The following CHD1L variants were observed in gnomAD, a reference collection of about 807,000 sequenced individuals.
CHD1L encodes chromodomain helicase DNA binding protein 1 like, also known as ATP-dependent chromatin remodeler CHD1L.
A neutral mutation model predicts 115.9 loss-of-function variants in CHD1L; 118 were observed. The ratio of observed to expected loss-of-function variants is 1.02; its 90% CI spans 0.88 to 1.19. CHD1L has a LOEUF of 1.19. Ranked by LOEUF, CHD1L falls within the 50% of genes most tolerant of loss-of-function variation. CHD1L has a pLI of 0.00. For synonymous variants in CHD1L, 411 were observed against 387.1 expected, an observed-to-expected ratio of 1.06 and a Z score of -0.72; for missense variants, 1,179 against 1,065.3, an observed-to-expected ratio of 1.11 and a Z score of -1.49.
chr1:147,251,622 G>A (rs960109515), intron 1 of CHD1L, among the ~76,000 whole-genome samples: 5 of 151,930 alleles, frequency 3.3e-5, no homozygotes, highest in African/African-American at 7.3e-5. Flanking sequence ...TCCGCCTCCC[G>A]GGTTCAAGCA....
the CHD1L span, chr1:147,208,936 C>T: frequency 6.2e-7 from 1 of 1,614,080 alleles, no homozygotes; most frequent in South Asian, 1.1e-5. Flanking sequence ...TAATGATTGG[C>T]CACAGATCTT....
At position 147,295,459 on chromosome 1, in the gene CHD1L, G is replaced by A. The variant is rs1241349424; in HGVS notation, c.2644G>A (p.Val882Ile). ...IYYFPRSKSA[V>I]LHSQSSSSSS... ...TTATTTTCCTAGAAGCAAGTCTGCT[G>A]TCCTTCATTCACAGTCTTCATCTTC... The change falls in exon 23 of 23, where the codon GTC (valine) becomes ATC (isoleucine). Residue 882 changes from valine to isoleucine, a missense_variant. Transcript: ENST00000369258. The A allele has an allele frequency of 1.9e-6, 3 of 1,611,404 alleles. No homozygotes were observed. The highest frequency in any genetic ancestry group is 2.5e-6 in the Non-Finnish European group (3 of 1,178,454).
the CHD1L span, chr1:147,175,858 G>T: frequency 1.3e-5 from 2 of 150,500 alleles, no homozygotes; most frequent in Admixed American, 6.7e-5. Flanking sequence ...AATGCATTAT[G>T]GGAAGTAAAA....
chr1:147,280,260 A>G (rs1680321369), intron 15 of CHD1L, 69 bp downstream of exon 15: 1 of 1,466,366 alleles, frequency 6.8e-7, no homozygotes. Context: ...CCCCATGGAA[A>G]GTTTTGGATG....
chr1:147,293,599 T>C lies in CHD1L; in HGVS notation c.2392-9T>C, dbSNP rs781851150. The C allele has an allele frequency of 6.2e-7, 1 of 1,612,856 alleles. No individual in the cohort carries two copies. Among genetic ancestry groups the C allele is most frequent in the East Asian group, 2.2e-5 (1 of 44,882 alleles). On this transcript the variant is annotated splice_polypyrimidine_tract_variant and intron_variant, in intron 20 of 22. Coordinates refer to ENST00000369258, the MANE Select transcript of CHD1L (RefSeq NM_004284.6). ...GTTGGGTTGGTCATCTAATGGTGGT[T>C]CTTTCCAGTTGGCCTTGATTGTGGC...
chr1:147,218,206 GAATGGTTTAGTA>G, the CHD1L span, among the ~76,000 whole-genome samples: 3 of 151,460 alleles, frequency 2.0e-5, no homozygotes, highest in Non-Finnish European at 4.4e-5. Flanking sequence ...CAAAATAGAT[GAATGGTTTAGTA>G]AATTATAGTA....
chr1:147,293,135 C>T (rs1372415594), intron 20 of CHD1L, among the ~76,000 whole-genome samples: 4 of 151,142 alleles, frequency 2.6e-5, no homozygotes, highest in African/African-American at 7.3e-5. Flanking sequence ...CTCCAGCTCG[C>T]CCACTTAGGT....
intron 1 of CHD1L, among the ~76,000 whole-genome samples, chr1:147,250,517 C>T (rs1263615708): frequency 1.3e-5 from 2 of 152,102 alleles, no homozygotes; most frequent in Non-Finnish European, 2.9e-5. Flanking sequence ...TTGTGGCTCC[C>T]TCCTGAGTCT....
intron 2 of CHD1L, 33 bp from the exon 3 acceptor site, chr1:147,254,837 G>T: frequency 1.3e-6 from 2 of 1,490,998 alleles, no homozygotes; most frequent in South Asian, 1.3e-5. Flanking sequence ...GGGGAAATGT[G>T]ATCAAAACTG....
In CHD1L at chr1:147,276,448, A is replaced by C. The variant is rs1321856011; in HGVS notation, c.1539+191A>C. ...GTAAGGATTAGTTCCAAGCCTCATC[A>C]CTTCTTGGCTGTTTGGGTTTGAGCG... On this transcript the variant is annotated intron_variant, in intron 14 of 22. Coordinates refer to ENST00000369258, the MANE Select transcript of CHD1L (RefSeq NM_004284.6). Among the ~76,000 whole-genome samples the C allele has an allele frequency of 3.9e-5, 6 of 152,298 alleles. No homozygotes were observed. In the East Asian group the frequency reaches 5.8e-4, roughly 15 times the overall value.
the CHD1L span, chr1:147,203,927 A>ATTTC: frequency 6.8e-7 from 1 of 1,481,378 alleles, no homozygotes; most frequent in South Asian, 1.1e-5. Flanking sequence ...AGGAGGTGTC[A>ATTTC]ATCTAGGAAG....
chr1:147,254,410 G>A (rs1316557523), intron 2 of CHD1L, among the ~76,000 whole-genome samples: 1 of 152,144 alleles, frequency 6.6e-6, no homozygotes, highest in East Asian at 1.9e-4. Flanking sequence ...GGGAGGAAGT[G>A]AGGGAGGAAG....
chr1:147,284,355 T>G lies in CHD1L; in HGVS notation c.1710T>G (p.Asn570Lys). Reference sequence around the variant, plus strand: ...CTTTGTGTTTTATGTTGTTAGAAAATCATATGTACTTATTTGAAGGTAAAG... The same window carrying G: ...CTTTGTGTTTTATGTTGTTAGAAAAGCATATGTACTTATTTGAAGGTAAAG... ...GGSRDQEEGK[N>K]HMYLFEGKDY... The change falls in exon 16 of 23, where the codon AAT becomes AAG. Residue 570 changes from asparagine to lysine, a missense_variant. Transcript: ENST00000369258. 1 of 1,562,012 alleles carries G rather than the reference T, an allele frequency of 6.4e-7. No homozygotes were observed. The highest frequency in any genetic ancestry group is 8.7e-7 in the Non-Finnish European group (1 of 1,153,656).
the CHD1L span, among the ~76,000 whole-genome samples, chr1:147,228,817 G>A: frequency 2.0e-5 from 3 of 152,210 alleles, no homozygotes; most frequent in Non-Finnish European, 2.9e-5. Context: ...CTTTTGAGAA[G>A]TGTCTCTTCA....
the CHD1L span, among the ~76,000 whole-genome samples, chr1:147,194,413 G>C: frequency 6.6e-6 from 1 of 152,124 alleles, no homozygotes; most frequent in Non-Finnish European, 1.5e-5. Context: ...CTGCACATGA[G>C]ATGGGTTTCC....
chr1:147,223,630 A>T, the CHD1L span: 1 of 156,696 alleles, frequency 6.4e-6, no homozygotes. Context: ...AAGACAAAAA[A>T]GTTGTGAATC....
At chr1:147,191,694 G>A in the CHD1L span, among the ~76,000 whole-genome samples, 2 of 151,422 alleles carry the variant, frequency 1.3e-5, no homozygotes, top group Non-Finnish European at 2.9e-5. Context: ...TGTATAAGGT[G>A]TAAGGAAGGG....
At chr1:147,274,570 C>G (rs1386438724) in intron 12 of CHD1L, among the ~76,000 whole-genome samples, 2 of 152,132 alleles carry the variant, frequency 1.3e-5, no homozygotes, top group African/African-American at 4.8e-5. Context: ...CTGTTTTGTA[C>G]TTGTTTTCAC....
At chr1:147,177,768 C>G in the CHD1L span, among the ~76,000 whole-genome samples, 1 of 152,156 alleles carries the variant, frequency 6.6e-6, no homozygotes, top group African/African-American at 2.4e-5. Flanking sequence ...AAGAAACTGT[C>G]ACAGTCTAGA....
Sources: gnomAD v4.1 joint callset for allele counts (sites outside exome capture counted in the v4.1 genomes callset) on GRCh38, gnomAD v4.1.1 for gene constraint, MANE v1.5 for transcripts, NCBI Gene and HGNC (gene_info 2026-07-23, HGNC 2026-07-21) for gene names.